The following PLCB1 variants were observed in gnomAD, a reference collection of about 807,000 sequenced individuals.
PLCB1 encodes the protein phospholipase C beta 1.
In PLCB1, 46 loss-of-function variants were observed where a neutral mutation model predicts 161.8. The observed-to-expected ratio is 0.28, with a 90% CI of 0.22 to 0.36. PLCB1 has a LOEUF of 0.36. Among genes scored for constraint, PLCB1 ranks in the 10% least tolerant of loss-of-function variants. The pLI is 1.00. For synonymous variants in PLCB1, 517 were observed against 503.7 expected (o/e 1.03, Z -0.35); for missense variants, 1,016 against 1,472.5 (o/e 0.69, Z 5.07).
intron 2 of PLCB1, among the ~76,000 whole-genome samples, chr20:8,354,327 TA>T (rs1986291003): frequency 6.6e-6 from 1 of 151,912 alleles, no homozygotes; most frequent in Admixed American, 6.6e-5. Context: ...TCAGAAGGAC[TA>T]AAAACAAAAT....
intron 31 of PLCB1, among the ~76,000 whole-genome samples, chr20:8,840,799 T>C (rs768056353): frequency 6.6e-6 from 1 of 152,092 alleles, no homozygotes; most frequent in Non-Finnish European, 1.5e-5. Context: ...CCTTTTTAAA[T>C]TTGAAATCAG....
chr20:8,376,745 A>T (rs368126458), intron 3 of PLCB1, among the ~76,000 whole-genome samples: 7 of 151,856 alleles, frequency 4.6e-5, no homozygotes, highest in East Asian at 3.9e-4. Flanking sequence ...TGGCTAACAC[A>T]GTGAAACCCC....
At chr20:8,437,743 A>G (rs1980373492) in intron 3 of PLCB1, among the ~76,000 whole-genome samples, 1 of 152,204 alleles carries the variant, frequency 6.6e-6, no homozygotes, top group South Asian at 2.1e-4. Context: ...ATATAAAAAT[A>G]CCACTTTTAC....
intron 2 of PLCB1, among the ~76,000 whole-genome samples, chr20:8,354,315 CA>C (rs1986290715): frequency 6.6e-6 from 1 of 151,722 alleles, no homozygotes; most frequent in South Asian, 2.1e-4. Flanking sequence ...AGAAGAGAAA[CA>C]TCAGAAGGAC....
intron 31 of PLCB1, among the ~76,000 whole-genome samples, chr20:8,876,838 G>C (rs943841076): frequency 5.3e-5 from 8 of 152,150 alleles, no homozygotes; most frequent in African/African-American, 1.7e-4. Context: ...TCACATGATG[G>C]CTGAGTAAAC....
At chr20:8,312,556 A>G (rs1194894496) in intron 2 of PLCB1, among the ~76,000 whole-genome samples, 4 of 152,288 alleles carry the variant, frequency 2.6e-5, no homozygotes, top group Non-Finnish European at 2.9e-5. Flanking sequence ...CTGTGAAGCT[A>G]CTGCATGCGG....
chr20:8,717,804 A>G lies in PLCB1; in HGVS notation c.1469A>G (p.Tyr490Cys), dbSNP rs45608240. Residue 490 changes from tyrosine (Y) to cysteine (C), a missense_variant, in exon 14 of 32, where the codon TAC becomes TGC. Coordinates refer to ENST00000338037, the MANE Select transcript of PLCB1 (RefSeq NM_015192.4). ...CTCTCAGAACAAGCCTCCAACACCT[A>G]CAGTGACTCCTCCAGCATGTTCGAG... ...KKLSEQASNT[Y>C]SDSSSMFEPS... is the part of the protein sequence containing the mutation. 9,443 of 1,613,838 alleles carry G rather than the reference A, an allele frequency of 5.9e-3. 25 individuals are homozygous for G. The highest frequency in any genetic ancestry group is 7.2e-3 in the Non-Finnish European group (8,537 of 1,179,894).
At chr20:8,154,138 G>C (rs1282608734) in intron 2 of PLCB1, among the ~76,000 whole-genome samples, 1 of 151,994 alleles carries the variant, frequency 6.6e-6, no homozygotes, top group African/African-American at 2.4e-5. Flanking sequence ...TTTATACTAA[G>C]TCACATCATA....
rs116317179 is a variant in PLCB1, at chr20:8,685,228, C to T, written c.1009+150C>T. 306 of 697,944 alleles carry T rather than the reference C, an allele frequency of 4.4e-4. 1 individual carries two copies. The highest frequency in any genetic ancestry group is 4.3e-3 in the African/African-American group (241 of 56,520). The allele number at this position is 697,944 out of a possible 1,614,324, so 43.2% of individuals were successfully genotyped here. On this transcript the variant is annotated intron_variant, in intron 10 of 31. Coordinates refer to ENST00000338037, the MANE Select transcript of PLCB1 (RefSeq NM_015192.4). ...CTGGGGTTCCACCACTAAAGCCTCC[C>T]GCCTCCCATAAGCAGTCATGTCCAC...
chr20:8,680,085 TGTTACTAA>T (rs1317766666), intron 9 of PLCB1, among the ~76,000 whole-genome samples: 2 of 152,226 alleles, frequency 1.3e-5, no homozygotes, highest in Non-Finnish European at 2.9e-5. Flanking sequence ...TTTCTTGTGC[TGTTACTAA>T]GTTTTTTAGA....
intron 2 of PLCB1, among the ~76,000 whole-genome samples, chr20:8,260,822 C>T (rs755108147): frequency 1.2e-4 from 18 of 152,140 alleles, no homozygotes; most frequent in Admixed American, 3.9e-4. Context: ...CAAGCTGCTG[C>T]GGGTACCAGT....
intron 2 of PLCB1, among the ~76,000 whole-genome samples, chr20:8,265,605 G>A (rs1007269172): frequency 1.1e-4 from 16 of 152,094 alleles, no homozygotes; most frequent in African/African-American, 2.9e-4. Context: ...ATATCTTAAT[G>A]TGTTCTTGTC....
chr20:8,603,432 C>T (rs1007822879), intron 3 of PLCB1, among the ~76,000 whole-genome samples: 1 of 152,328 alleles, frequency 6.6e-6, no homozygotes, highest in Middle Eastern at 3.4e-3. Flanking sequence ...GTAATCCCAG[C>T]GTGTGGGTTT....
chr20:8,312,667 T>G (rs1481994200), intron 2 of PLCB1, among the ~76,000 whole-genome samples: 1 of 152,180 alleles, frequency 6.6e-6, no homozygotes, highest in Non-Finnish European at 1.5e-5. Flanking sequence ...CATGTTTATT[T>G]TTAACATTTT....
intron 2 of PLCB1, among the ~76,000 whole-genome samples, chr20:8,368,545 A>AAG (rs1555801612): frequency 6.6e-6 from 1 of 150,682 alleles, no homozygotes; most frequent in African/African-American, 2.4e-5. Context: ...AAAAAAAAAA[A>AAG]AAAAAGAAAA....
chr20:8,521,511 C>T (rs979447874), intron 3 of PLCB1, among the ~76,000 whole-genome samples: 1 of 151,998 alleles, frequency 6.6e-6, no homozygotes, highest in Admixed American at 6.6e-5. Flanking sequence ...CAAGAACAGC[C>T]TGGGCAACAT....
intron 31 of PLCB1, among the ~76,000 whole-genome samples, chr20:8,798,619 T>C (rs1984145045): frequency 6.6e-6 from 1 of 151,908 alleles, no homozygotes; most frequent in South Asian, 2.1e-4. Flanking sequence ...GTCAGACAAT[T>C]AAAGGAAGAC....
chr20:8,261,201 A>C (rs1045099293), intron 2 of PLCB1, among the ~76,000 whole-genome samples: 2 of 152,130 alleles, frequency 1.3e-5, no homozygotes, highest in African/African-American at 4.8e-5. Context: ...CTCAGGCTCT[A>C]CATTTAGGGA....
intron 10 of PLCB1, among the ~76,000 whole-genome samples, chr20:8,691,286 G>A (rs2123414346): frequency 6.6e-6 from 1 of 152,024 alleles, no homozygotes; most frequent in South Asian, 2.1e-4. Context: ...TAATCCAATT[G>A]AATCCTATTA....
Sources: allele counts gnomAD v4.1 joint callset (sites outside exome capture counted in the v4.1 genomes callset), GRCh38; gene constraint gnomAD v4.1.1; transcripts MANE v1.5; gene names NCBI Gene and HGNC (gene_info 2026-07-23, HGNC 2026-07-21).